Variants in GRID1 observed in about 807,000 individuals in gnomAD.
GRID1 encodes the protein glutamate ionotropic receptor delta type subunit 1.
In GRID1, 28 loss-of-function variants were observed where a neutral mutation model predicts 98.0. That is an observed-to-expected ratio of 0.29 (90% confidence interval 0.21 to 0.39). The LOEUF (loss-of-function observed/expected upper bound fraction) is 0.39. GRID1 is among the 10% of genes least tolerant of loss of function. GRID1 has a pLI of 1.00. For synonymous variants in GRID1, 553 were observed against 538.5 expected (o/e 1.03, Z -0.37); for missense variants, 1,111 against 1,340.5 (o/e 0.83, Z 2.67).
At chr10:85,715,136 G>A (rs540107241) in intron 12 of GRID1, among the ~76,000 whole-genome samples, 5 of 152,270 alleles carry the variant, frequency 3.3e-5, no homozygotes, top group South Asian at 2.1e-4. Flanking sequence ...ACACAATGGG[G>A]AAGACAGTCT....
intron 2 of GRID1, among the ~76,000 whole-genome samples, chr10:86,251,691 T>G (rs919536517): frequency 6.6e-6 from 1 of 152,134 alleles, no homozygotes; most frequent in Non-Finnish European, 1.5e-5. Flanking sequence ...TGCCAATCAC[T>G]GCTGACAAGT....
At chr10:86,217,155 A>C (rs1210014900) in intron 2 of GRID1, among the ~76,000 whole-genome samples, 1 of 152,172 alleles carries the variant, frequency 6.6e-6, no homozygotes, top group Non-Finnish European at 1.5e-5. Flanking sequence ...CCTAGGTTAC[A>C]GCATTGCCTA....
At chr10:85,821,789 C>T (rs1310635733) in intron 8 of GRID1, among the ~76,000 whole-genome samples, 1 of 152,106 alleles carries the variant, frequency 6.6e-6, no homozygotes, top group Non-Finnish European at 1.5e-5. Context: ...TCAAACTTTA[C>T]TACAAGGCTA....
intron 8 of GRID1, among the ~76,000 whole-genome samples, chr10:85,799,807 G>C (rs1271015361): frequency 6.6e-6 from 1 of 151,930 alleles, no homozygotes; most frequent in Non-Finnish European, 1.5e-5. Flanking sequence ...TGCATAGTAG[G>C]GTGACTACAG....
At chr10:86,023,854 G>A (rs924664098) in intron 4 of GRID1, among the ~76,000 whole-genome samples, 1 of 152,002 alleles carries the variant, frequency 6.6e-6, no homozygotes, top group South Asian at 2.1e-4. Flanking sequence ...TCCTGTCCCG[G>A]CACTACACAT....
chr10:86,021,603 CCCA>C (rs1489700240), intron 4 of GRID1, among the ~76,000 whole-genome samples: 2 of 151,978 alleles, frequency 1.3e-5, no homozygotes, highest in Non-Finnish European at 2.9e-5. Flanking sequence ...CCCCTCAGCC[CCCA>C]CACATGCATG....
chr10:85,738,543 G>A (rs1841909493), intron 8 of GRID1, among the ~76,000 whole-genome samples: 1 of 152,216 alleles, frequency 6.6e-6, no homozygotes, highest in Non-Finnish European at 1.5e-5. Context: ...AGGTCCATAT[G>A]TGAATGTTCA....
In GRID1 at chr10:86,338,800, C is replaced by T. The variant is rs111832837; in HGVS notation, c.235+25141G>A. On this transcript the variant is annotated intron_variant, in intron 2 of 15. Transcript: ENST00000327946. ...CTTGAACTCCTGACCTCAAGTGATCCGCCTGCCTCGGCCTCCCAAAGTGCT... is the reference window on the plus strand; with the variant it reads ...CTTGAACTCCTGACCTCAAGTGATCTGCCTGCCTCGGCCTCCCAAAGTGCT... Among the ~76,000 whole-genome samples the T allele has an allele frequency of 9.1e-3, 1,390 of 152,214 alleles. 14 individuals are homozygous for T. The highest frequency in any genetic ancestry group is 0.024 in the South Asian group (114 of 4,816).
intron 3 of GRID1, among the ~76,000 whole-genome samples, chr10:86,191,665 C>T (rs966321235): frequency 3.9e-5 from 6 of 152,160 alleles, no homozygotes; most frequent in African/African-American, 1.4e-4. Context: ...TCCCAGTTCC[C>T]TCAGGGTGGC....
At chr10:86,066,581 A>G (rs958252398) in intron 4 of GRID1, among the ~76,000 whole-genome samples, 1 of 152,214 alleles carries the variant, frequency 6.6e-6, no homozygotes, top group African/African-American at 2.4e-5. Flanking sequence ...ATGGAAGCTC[A>G]GCAAGTTCCT....
rs117898715 is a variant in GRID1, at chr10:85,746,839, A to C, written c.1234-17225T>G. ...GAATATTATATAAAATAATATAATA[A>C]AATTATTGCTCTCTTAAGCTGTTAA... On this transcript the variant is annotated intron_variant, in intron 8 of 15. Transcript: ENST00000327946. 8.8e-3 allele frequency among the ~76,000 whole-genome samples: 1,333 copies of C among 152,270 alleles called. 18 individuals are homozygous for C. Among genetic ancestry groups the C allele is most frequent in the Middle Eastern group, 0.014 (4 of 294 alleles).
chr10:85,850,117 C>G (rs1026337377), intron 8 of GRID1, among the ~76,000 whole-genome samples: 3 of 152,100 alleles, frequency 2.0e-5, no homozygotes, highest in Non-Finnish European at 4.4e-5. Flanking sequence ...TGGATGCCAC[C>G]CACGGAAAAT....
At chr10:85,744,353 CT>C (rs1387470258) in intron 8 of GRID1, among the ~76,000 whole-genome samples, 1 of 152,132 alleles carries the variant, frequency 6.6e-6, no homozygotes, top group Non-Finnish European at 1.5e-5. Flanking sequence ...AACTGATAAG[CT>C]TAATTTTAAA....
At chr10:85,717,942 T>TCGC (rs142757587) in intron 12 of GRID1, among the ~76,000 whole-genome samples, 2 of 151,826 alleles carry the variant, frequency 1.3e-5, no homozygotes, top group Non-Finnish European at 2.9e-5. Context: ...TCCAAAATGA[T>TCGC]CTTTGACTCC....
At chr10:85,982,580 C>T (rs1842559430) in intron 4 of GRID1, among the ~76,000 whole-genome samples, 1 of 152,120 alleles carries the variant, frequency 6.6e-6, no homozygotes, top group South Asian at 2.1e-4. Context: ...CCATGGTGAG[C>T]CCAGCCCGTG....
chr10:86,261,858 C>T (rs542303370), intron 2 of GRID1, among the ~76,000 whole-genome samples: 124 of 152,264 alleles, frequency 8.1e-4, no homozygotes, highest in Non-Finnish European at 7.1e-4. Flanking sequence ...GGCTTCATTG[C>T]TTACCATTGT....
chr10:86,315,559 T>C (rs990886283), intron 2 of GRID1, among the ~76,000 whole-genome samples: 1 of 152,164 alleles, frequency 6.6e-6, no homozygotes, highest in Non-Finnish European at 1.5e-5. Flanking sequence ...TTTGTATCAG[T>C]GAACCTGGTC....
rs957173714 is a variant in GRID1 at position 86,134,194 on chromosome 10, G to T, written c.726+4625C>A. On this transcript the variant is annotated intron_variant, in intron 4 of 15. Coordinates refer to ENST00000327946, the MANE Select transcript of GRID1 (RefSeq NM_017551.3). ...ATGCCCACCAGTGGCATGGTGTGTG[G>T]CCACGACTTTCCATATCATAGCCAG... Among the ~76,000 whole-genome samples, 35 of 152,248 alleles carry T rather than the reference G, an allele frequency of 2.3e-4. 1 individual carries two copies. Among genetic ancestry groups the T allele is most frequent in the Non-Finnish European group, 1.5e-5 (1 of 68,044 alleles).
chr10:85,753,428 G>A (rs1287758283), intron 8 of GRID1, among the ~76,000 whole-genome samples: 1 of 152,160 alleles, frequency 6.6e-6, no homozygotes, highest in Non-Finnish European at 1.5e-5. Context: ...GCCACTTAAG[G>A]ATTCAGAGAG....
Sources: allele counts gnomAD v4.1 joint callset (sites outside exome capture counted in the v4.1 genomes callset), GRCh38; gene constraint gnomAD v4.1.1; transcripts MANE v1.5; gene names NCBI Gene and HGNC (gene_info 2026-07-23, HGNC 2026-07-21).